MAPK10: variants seen among roughly 807,000 people sequenced by gnomAD.
MAPK10 encodes mitogen-activated protein kinase 10.
Under a neutral mutation model 59.3 loss-of-function variants are expected in MAPK10, and 25 were observed. The ratio of observed to expected loss-of-function variants is 0.42; its 90% confidence interval spans 0.31 to 0.59. The LOEUF (loss-of-function observed/expected upper bound fraction) is 0.59, where lower values mean the gene tolerates loss of function less well. Among genes scored for constraint, MAPK10 ranks in the 20% least tolerant of loss-of-function variants. The pLI is 0.15. For synonymous variants in MAPK10, 190 were observed against 200.5 expected (o/e 0.95, Z 0.44); for missense variants, 351 against 568.9 (o/e 0.62, Z 3.90).
intron 1 of MAPK10, among the ~76,000 whole-genome samples, chr4:86,391,324 AT>A (rs1289903875): frequency 1.6e-4 from 25 of 152,322 alleles, no homozygotes; most frequent in African/African-American, 5.8e-4. Flanking sequence ...TTTCTTTAAG[AT>A]TAGAGCAAAT....
chr4:86,448,272 A>G (rs538701014), intron 1 of MAPK10, among the ~76,000 whole-genome samples: 44 of 152,178 alleles, frequency 2.9e-4, no homozygotes, highest in African/African-American at 9.4e-4. Context: ...ATACATATTA[A>G]TATGTGCCTA....
intron 2 of MAPK10, among the ~76,000 whole-genome samples, chr4:86,271,972 C>T (rs1174137878): frequency 6.6e-6 from 1 of 151,888 alleles, no homozygotes; most frequent in African/African-American, 2.4e-5. Context: ...AATTTTTCAA[C>T]CCTTGCCCCC....
intron 1 of MAPK10, among the ~76,000 whole-genome samples, chr4:86,523,146 C>T (rs1757243867): frequency 1.3e-5 from 2 of 151,852 alleles, no homozygotes; most frequent in Admixed American, 1.3e-4. Flanking sequence ...TTATTATTAC[C>T]TTTATGTTTA....
At chr4:86,030,552 T>G (rs895184529) in intron 12 of MAPK10, among the ~76,000 whole-genome samples, 1 of 152,004 alleles carries the variant, frequency 6.6e-6, no homozygotes, top group Non-Finnish European at 1.5e-5. Context: ...AGGTTGGTTC[T>G]GAACTCCCGG....
chr4:86,260,603 A>G (rs967130315), intron 2 of MAPK10, among the ~76,000 whole-genome samples: 2 of 152,138 alleles, frequency 1.3e-5, no homozygotes, highest in Non-Finnish European at 2.9e-5. Flanking sequence ...AGCTCCCTGT[A>G]GAAAAATGTA....
rs887222205 is a variant in MAPK10, at chr4:86,496,626, G to GT, written c.-263+97283dup. On this transcript the variant is annotated intron_variant, in intron 1 of 4. Transcript: ENST00000502302. ...GACTATGTCATGGTGACTAGGTTAA[G>GT]TTTTTTTAGAGATTCTAAGTGCTTT... is the stretch of plus-strand genomic sequence containing the variant. Among the ~76,000 whole-genome samples the GT allele has an allele frequency of 1.3e-4, 20 of 152,098 alleles. 1 individual carries two copies. Among genetic ancestry groups the GT allele is most frequent in the Non-Finnish European group, 7.4e-5 (5 of 68,008 alleles).
At chr4:86,565,421 T>C (rs758174533) in intron 1 of MAPK10, among the ~76,000 whole-genome samples, 1 of 152,208 alleles carries the variant, frequency 6.6e-6, no homozygotes, top group African/African-American at 2.4e-5. Flanking sequence ...TTGTAGTCTA[T>C]AAATTACTCT....
At chr4:86,540,807 A>G (rs902869346) in intron 1 of MAPK10, among the ~76,000 whole-genome samples, 9 of 152,046 alleles carry the variant, frequency 5.9e-5, no homozygotes, top group African/African-American at 2.2e-4. Context: ...GACATGAGAA[A>G]AGAAGGTACT....
intron 2 of MAPK10, among the ~76,000 whole-genome samples, chr4:86,271,941 C>T (rs2094446407): frequency 6.6e-6 from 1 of 151,938 alleles, no homozygotes; most frequent in Non-Finnish European, 1.5e-5. Context: ...CACAGCCAAA[C>T]CATATCAGTA....
chr4:86,149,865 A>T (rs1489204802), intron 4 of MAPK10, among the ~76,000 whole-genome samples: 2 of 152,218 alleles, frequency 1.3e-5, no homozygotes, highest in African/African-American at 2.4e-5. Context: ...GGCCTTTCAC[A>T]GCCCTCAGTA....
At chr4:86,590,994 A>G (rs1269338334) in intron 1 of MAPK10, among the ~76,000 whole-genome samples, 1 of 152,232 alleles carries the variant, frequency 6.6e-6, no homozygotes, top group Admixed American at 6.5e-5. Context: ...GCTAGCATGC[A>G]GTGGCTAATC....
intron 1 of MAPK10, among the ~76,000 whole-genome samples, chr4:86,568,888 A>C (rs1248410193): frequency 6.6e-6 from 1 of 151,952 alleles, no homozygotes; most frequent in East Asian, 1.9e-4. Context: ...GTCTGGGCTA[A>C]GAATTTATGA....
intron 4 of MAPK10, among the ~76,000 whole-genome samples, chr4:86,142,654 T>A (rs2063900271): frequency 6.6e-6 from 1 of 152,158 alleles, no homozygotes. Flanking sequence ...GGACACAATT[T>A]AGAAGGATCA....
chr4:86,238,961 A>G (rs1372597373), intron 2 of MAPK10, among the ~76,000 whole-genome samples: 2 of 152,208 alleles, frequency 1.3e-5, no homozygotes, highest in Non-Finnish European at 2.9e-5. Context: ...TTGCCCATTC[A>G]GTATGATATT....
intron 1 of MAPK10, among the ~76,000 whole-genome samples, chr4:86,506,664 A>C (rs1755762487): frequency 6.6e-6 from 1 of 152,146 alleles, no homozygotes; most frequent in Non-Finnish European, 1.5e-5. Context: ...GGCAGCACAC[A>C]AAGTGTGTAT....
intron 1 of MAPK10, among the ~76,000 whole-genome samples, chr4:86,528,275 CTATAGAACTGA>C (rs1419770528): frequency 6.6e-6 from 1 of 151,558 alleles, no homozygotes; most frequent in Non-Finnish European, 1.5e-5. Flanking sequence ...TTCATCAATG[CTATAGAACTGA>C]TATAGAACTA....
At chr4:86,269,866 T>C (rs2094376941) in intron 2 of MAPK10, among the ~76,000 whole-genome samples, 1 of 152,098 alleles carries the variant, frequency 6.6e-6, no homozygotes, top group Admixed American at 6.6e-5. Flanking sequence ...TGTATAACAG[T>C]AATAAAGATA....
At chr4:86,549,230 A>T (rs1035279787) in intron 1 of MAPK10, among the ~76,000 whole-genome samples, 11 of 152,248 alleles carry the variant, frequency 7.2e-5, no homozygotes, top group Admixed American at 7.2e-4. Context: ...ACAGTCCGGC[A>T]TCACTTAAGG....
intron 1 of MAPK10, among the ~76,000 whole-genome samples, chr4:86,447,655 CTT>C (rs201017201): frequency 2.0e-5 from 3 of 151,252 alleles, no homozygotes; most frequent in South Asian, 2.1e-4. Flanking sequence ...AACACTGGTG[CTT>C]TTTTTTTCTT....
Sources: allele counts gnomAD v4.1 joint callset (sites outside exome capture counted in the v4.1 genomes callset), GRCh38; gene constraint gnomAD v4.1.1; transcripts MANE v1.5; gene names NCBI Gene and HGNC (gene_info 2026-07-23, HGNC 2026-07-21).